AP1G1: variants seen among roughly 807,000 people sequenced by gnomAD.
AP1G1 encodes adaptor related protein complex 1 subunit gamma 1, also known as AP-1 complex subunit gamma-1.
AP1G1 carries 7 observed loss-of-function variants against 108.3 expected under a neutral mutation model. That is an observed-to-expected ratio of 0.06 (90% CI 0.04 to 0.12). The LOEUF (loss-of-function observed/expected upper bound fraction) is 0.12, where lower values mean the gene tolerates loss of function less well. AP1G1 is among the 10% of genes least tolerant of loss of function. The pLI is 1.00. For synonymous variants in AP1G1, 379 were observed against 353.5 expected (o/e 1.07, Z -0.81); for missense variants, 756 against 1,010.7 (o/e 0.75, Z 3.42).
intron 5 of AP1G1, 50 bp from the exon 6 acceptor site, chr16:71,769,749 T>G: frequency 6.7e-7 from 1 of 1,481,720 alleles, no homozygotes; most frequent in East Asian, 2.3e-5. Context: ...ATTATTCAAT[T>G]TTATAGAACA....
chr16:71,808,377 A>T (rs2033072737), intron 1 of AP1G1: 10 of 926,354 alleles, frequency 1.1e-5, no homozygotes, highest in African/African-American at 1.8e-5. Context: ...TACAAGACAC[A>T]AGAACGCTGA....
chr16:71,766,412 C>A (rs891452473), intron 6 of AP1G1: 3 of 468,388 alleles, frequency 6.4e-6, no homozygotes, highest in South Asian at 4.7e-5. Context: ...ACTGCCAAGC[C>A]GAAGATGTTT....
intron 17 of AP1G1, 144 bp downstream of exon 17, chr16:71,746,444 C>T: frequency 4.2e-6 from 2 of 470,986 alleles, no homozygotes; most frequent in Non-Finnish European, 3.7e-6. Context: ...ATGGACAAAA[C>T]AGAAGCAGAC....
intron 2 of AP1G1, among the ~76,000 whole-genome samples, chr16:71,779,609 G>C (rs1209578714): frequency 6.6e-6 from 1 of 152,050 alleles, no homozygotes; most frequent in Non-Finnish European, 1.5e-5. Context: ...CAAAGCACTG[G>C]TATTACAGGT....
chr16:71,731,061 T>C lies in AP1G1; in HGVS notation c.*1997A>G, dbSNP rs2145401554. 6.5e-6 allele frequency: 1 copy of C among 152,752 alleles called. No homozygotes were observed. The highest frequency in any genetic ancestry group is 1.9e-4 in the East Asian group (1 of 5,194). The allele number at this position is 152,752 out of a possible 1,614,324, so 9.5% of individuals were successfully genotyped here. ...TTCAAGAAATCCACCAACATTATGTTAATCCTATCATGTTTCACAGCATTA... is the reference window on the plus strand; with the variant it reads ...TTCAAGAAATCCACCAACATTATGTCAATCCTATCATGTTTCACAGCATTA... On this transcript the variant is annotated 3_prime_UTR_variant, in exon 23 of 23. Transcript: ENST00000299980.
chr16:71,774,530 C>T lies in AP1G1; in HGVS notation c.264G>A (p.Gly88=), dbSNP rs1363157107. 6.2e-7 allele frequency: 1 copy of T among 1,607,936 alleles called. No homozygotes were observed. The highest frequency in any genetic ancestry group is 1.1e-5 in the South Asian group (1 of 89,740). ...GTCTTTCATCTAACAGCAGCATTGC[C>T]CCTAAATAGCCAATGCGTTTGTCTG... ...KFTDKRIGYL[G]AMLLLDERQD... Residue 88 remains glycine (G), a synonymous_variant, in exon 3 of 23, where the codon GGG becomes GGA. Coordinates refer to ENST00000299980, the MANE Select transcript of AP1G1 (RefSeq NM_001128.6).
At chr16:71,765,132 G>C (rs982862110) in intron 7 of AP1G1, among the ~76,000 whole-genome samples, 1 of 152,186 alleles carries the variant, frequency 6.6e-6, no homozygotes, top group African/African-American at 2.4e-5. Flanking sequence ...CTTGAGTCCA[G>C]GAGTTTGAGA....
chr16:71,802,603 G>A (rs1444045903), intron 1 of AP1G1, among the ~76,000 whole-genome samples: 2 of 152,024 alleles, frequency 1.3e-5, no homozygotes, highest in South Asian at 2.1e-4. Flanking sequence ...GGTGGCGGGC[G>A]CCTGTAATTC....
chr16:71,753,589 G>A, intron 13 of AP1G1: 1 of 488,514 alleles, frequency 2.0e-6, no homozygotes, highest in Non-Finnish European at 3.7e-6. Context: ...TCTCCTCTGA[G>A]AGACCTCCCT....
chr16:71,772,622 C>G (rs1025254933), intron 4 of AP1G1, among the ~76,000 whole-genome samples: 4 of 152,166 alleles, frequency 2.6e-5, no homozygotes, highest in African/African-American at 9.7e-5. Flanking sequence ...GCCTCTTTCC[C>G]AAACCATTAA....
chr16:71,734,486 G>C, intron 22 of AP1G1, 123 bp downstream of exon 22: 2 of 766,260 alleles, frequency 2.6e-6, no homozygotes, highest in South Asian at 3.5e-5. Flanking sequence ...GTTAGACCAG[G>C]CATTTTCATT....
intron 1 of AP1G1, chr16:71,806,754 T>G: frequency 7.8e-7 from 1 of 1,280,654 alleles, no homozygotes; most frequent in South Asian, 1.2e-5. Flanking sequence ...GAAAATTCCA[T>G]TGCTTCAGGG....
chr16:71,733,597 C>T (rs2145405303), intron 22 of AP1G1, among the ~76,000 whole-genome samples: 1 of 152,284 alleles, frequency 6.6e-6, no homozygotes, highest in African/African-American at 2.4e-5. Context: ...AACTCCTGAC[C>T]TCAGATAATA....
chr16:71,736,483 C>T (rs1224839488), intron 21 of AP1G1, among the ~76,000 whole-genome samples: 1 of 150,588 alleles, frequency 6.6e-6, no homozygotes, highest in Non-Finnish European at 1.5e-5. Flanking sequence ...CAGGTTCATG[C>T]CATTCTCCTG....
chr16:71,775,454 CAGTTTTGCATT>C (rs2031747625), intron 2 of AP1G1, among the ~76,000 whole-genome samples: 2 of 152,126 alleles, frequency 1.3e-5, no homozygotes, highest in African/African-American at 4.8e-5. Context: ...AATAATCTCT[CAGTTTTGCATT>C]AGTTTTGCAG....
chr16:71,798,542 G>A (rs1285217294), intron 1 of AP1G1, among the ~76,000 whole-genome samples: 1 of 151,778 alleles, frequency 6.6e-6, no homozygotes, highest in Non-Finnish European at 1.5e-5. Context: ...GAGGAAAAGA[G>A]GGATATATAT....
chr16:71,786,724 T>G (rs7200966), intron 2 of AP1G1, among the ~76,000 whole-genome samples: 131,889 of 152,030 alleles, frequency 0.87, 57,344 homozygotes, highest in East Asian at 0.99. Context: ...CTCCCAAAGT[T>G]CTGGGTGTAC....
chr16:71,808,262 A>G, intron 1 of AP1G1: 1 of 1,002,016 alleles, frequency 1.0e-6, no homozygotes, highest in Non-Finnish European at 1.3e-6. Context: ...GGTTAGAGAG[A>G]GGCGAGGCCG....
chr16:71,745,448 G>C, intron 18 of AP1G1, 25 bp downstream of exon 18: 2 of 1,614,054 alleles, frequency 1.2e-6, no homozygotes, highest in Non-Finnish European at 1.7e-6. Flanking sequence ...AGAAGCCCCA[G>C]ATGAGCAAGT....
Sources: gnomAD v4.1 joint callset for allele counts (sites outside exome capture counted in the v4.1 genomes callset) on GRCh38, gnomAD v4.1.1 for gene constraint, MANE v1.5 for transcripts, NCBI Gene and HGNC (gene_info 2026-07-23, HGNC 2026-07-21) for gene names.